The following CTTN variants were observed in gnomAD, a reference collection of about 807,000 sequenced individuals.
CTTN encodes the protein cortactin.
In CTTN, 28 loss-of-function variants were observed where a neutral mutation model predicts 84.0. The ratio of observed to expected loss-of-function variants is 0.33; its 90% CI spans 0.25 to 0.46. The LOEUF is 0.46. Among genes scored for constraint, CTTN ranks in the 20% least tolerant of loss-of-function variants. CTTN has a pLI of 1.00. For synonymous variants in CTTN, 301 were observed against 288.8 expected, an observed-to-expected ratio of 1.04 and a Z score of -0.43; for missense variants, 641 against 723.8, an observed-to-expected ratio of 0.89 and a Z score of 1.31.
intron 5 of CTTN, among the ~76,000 whole-genome samples, chr11:70,412,487 T>C (rs1194973867): frequency 6.6e-6 from 1 of 152,106 alleles, no homozygotes; most frequent in East Asian, 1.9e-4. Flanking sequence ...TATTTGTAAC[T>C]TGCCCACTCC....
chr11:70,430,331 T>C (rs1329309960), intron 14 of CTTN, among the ~76,000 whole-genome samples: 3 of 152,244 alleles, frequency 2.0e-5, no homozygotes. Context: ...TTCCTGTTGC[T>C]GCCGTAGTCA....
intron 7 of CTTN, chr11:70,416,761 A>G (rs972259973): frequency 1.4e-5 from 6 of 426,744 alleles, no homozygotes; most frequent in Non-Finnish European, 2.5e-5. Flanking sequence ...GTGGGCATGC[A>G]GCGTCATTTC....
chr11:70,413,263 G>T (rs2058115840), intron 5 of CTTN, among the ~76,000 whole-genome samples: 1 of 152,220 alleles, frequency 6.6e-6, no homozygotes, highest in South Asian at 2.1e-4. Context: ...CATGCTAGAG[G>T]GAGTGAGAAG....
intron 4 of CTTN, chr11:70,407,858 TAG>T: frequency 2.2e-6 from 1 of 445,094 alleles, no homozygotes; most frequent in Non-Finnish European, 4.0e-6. Flanking sequence ...TTTATAATTT[TAG>T]AGTGTCCGCT....
intron 14 of CTTN, 31 bp downstream of exon 14, chr11:70,429,230 C>T: frequency 6.3e-7 from 1 of 1,595,386 alleles, no homozygotes; most frequent in Non-Finnish European, 8.5e-7. Context: ...CGCAGCGCAC[C>T]CTCCCTGGGA....
chr11:70,421,479 C>A lies in CTTN; in HGVS notation c.800C>A (p.Thr267Asn). Residue 267 changes from threonine (T) to asparagine (N), a missense_variant, in exon 11 of 18, where the codon ACT (threonine) becomes AAT (asparagine). By Grantham distance (65) the Thr-to-Asn change is moderately conservative. This residue lies in a region of CTTN where 284 missense variants were observed against 348.4 expected (regional missense o/e 0.82). Coordinates refer to ENST00000301843, the MANE Select transcript of CTTN (RefSeq NM_005231.4). ...QLHESQKDYK[T>N]GFGGKFGVQS... ...GCTTGTGGATTTTCAGATTATAAGA[C>A]TGGTTTTGGAGGCAAATTCGGTGTT... 1 of 1,611,986 alleles carries A rather than the reference C, an allele frequency of 6.2e-7. No homozygotes were observed. Among genetic ancestry groups the A allele is most frequent in the Non-Finnish European group, 8.5e-7 (1 of 1,178,018 alleles).
intron 1 of CTTN, among the ~76,000 whole-genome samples, chr11:70,400,671 C>A (rs1047614685): frequency 1.3e-5 from 2 of 152,262 alleles, no homozygotes; most frequent in African/African-American, 2.4e-5. Flanking sequence ...TTCAGATCTT[C>A]AGTCTGTGCC....
In CTTN at chr11:70,433,186, C is replaced by T. The variant is rs767643366; in HGVS notation, c.1352C>T (p.Ala451Val). The change falls in exon 16 of 18, where the codon GCT becomes GTT. Residue 451 changes from alanine (A) to valine (V), a missense_variant. Ala to Val is a moderately conservative substitution (Grantham distance 64). Coordinates refer to ENST00000301843, the MANE Select transcript of CTTN (RefSeq NM_005231.4). The part of the protein sequence containing the change: ...EPEPVYSMEA[A>V]DYREASSQQG... Reference sequence around the variant, plus strand: ...GAGCCCGTGTACAGCATGGAGGCCGCTGACTACCGAGAGGCCAGCAGCCAG... The same window carrying T: ...GAGCCCGTGTACAGCATGGAGGCCGTTGACTACCGAGAGGCCAGCAGCCAG... 3.7e-6 allele frequency: 6 copies of T among 1,613,654 alleles called. 1 individual carries two copies. In the South Asian group the frequency reaches 5.5e-5, roughly 15 times the overall value.
chr11:70,433,515 A>C, intron 16 of CTTN, 132 bp from the exon 17 acceptor site: 1 of 841,048 alleles, frequency 1.2e-6, no homozygotes, highest in Non-Finnish European at 2.0e-6. Context: ...GCAGGGGCAG[A>C]GGAAGGGAGG....
At chr11:70,410,953 C>T (rs989680223) in intron 5 of CTTN, among the ~76,000 whole-genome samples, 3 of 152,092 alleles carry the variant, frequency 2.0e-5, no homozygotes, top group Admixed American at 2.0e-4. Flanking sequence ...TGTGGTGGGC[C>T]GGCAGGGCAC....
chr11:70,430,950 A>C (rs1007129288), intron 14 of CTTN, among the ~76,000 whole-genome samples: 2 of 151,210 alleles, frequency 1.3e-5, no homozygotes, highest in African/African-American at 4.9e-5. Flanking sequence ...TGCCCCTCGG[A>C]TCCTGCCTGG....
At position 70,436,263 on chromosome 11, in the gene CTTN, G is replaced by T; in HGVS notation, c.*1101G>T. 6.3e-7 allele frequency: 1 copy of T among 1,597,234 alleles called. No individual in the cohort carries two copies. Among genetic ancestry groups the T allele is most frequent in the Non-Finnish European group, 8.5e-7 (1 of 1,179,350 alleles). On this transcript the variant is annotated 3_prime_UTR_variant, in exon 18 of 18. Transcript: ENST00000301843. ...CCAGGACACCGCTGTCCTGGCATTT[G>T]TGGCCACTCACTTTGTAGGAAACTC...
intron 1 of CTTN, among the ~76,000 whole-genome samples, chr11:70,399,503 T>C (rs1207879792): frequency 1.3e-5 from 2 of 151,972 alleles, no homozygotes; most frequent in African/African-American, 4.8e-5. Context: ...GGTTTTGCAA[T>C]CAGGTCAGTG....
intron 4 of CTTN, among the ~76,000 whole-genome samples, chr11:70,408,639 A>G (rs1312051973): frequency 6.6e-6 from 1 of 152,118 alleles, no homozygotes; most frequent in African/African-American, 2.4e-5. Context: ...GGCTCAGGTG[A>G]TTCTCCTGCC....
intron 13 of CTTN, among the ~76,000 whole-genome samples, chr11:70,426,104 A>G (rs1280224840): frequency 1.3e-5 from 2 of 152,164 alleles, no homozygotes; most frequent in African/African-American, 2.4e-5. Flanking sequence ...GACATTGACT[A>G]TATTAGAAAT....
At chr11:70,409,713 G>A in intron 4 of CTTN, 118 bp from the exon 5 acceptor site, 1 of 1,161,452 alleles carries the variant, frequency 8.6e-7, no homozygotes, top group Non-Finnish European at 1.2e-6. Flanking sequence ...GTGAACATCA[G>A]ATAAGCAGAT....
intron 13 of CTTN, among the ~76,000 whole-genome samples, chr11:70,428,076 C>G (rs938304574): frequency 3.4e-5 from 5 of 146,466 alleles, no homozygotes; most frequent in Non-Finnish European, 6.0e-5. Context: ...TCTCATGGTT[C>G]TATTCATGGT....
intron 14 of CTTN, among the ~76,000 whole-genome samples, chr11:70,429,748 G>A (rs1472661125): frequency 2.6e-5 from 4 of 152,202 alleles, no homozygotes; most frequent in African/African-American, 9.7e-5. Flanking sequence ...GGCGGAGCAC[G>A]AGCCTGTGTC....
chr11:70,429,142 AGCCCAGC>A lies in CTTN; in HGVS notation c.1121_1127del (p.Ala374GlyfsTer56). The A allele has an allele frequency of 6.2e-7, 1 of 1,614,028 alleles. No individual in the cohort carries two copies. The highest frequency in any genetic ancestry group is 8.5e-7 in the Non-Finnish European group (1 of 1,180,032). The stretch of plus-strand genomic sequence containing the variant: ...ACAGGCGGAAGGCGGAGGCGGAGAG[AGCCCAGC>A]GGATGGCCAAGGAGCGGCAGGAGCA... On this transcript the variant is annotated frameshift_variant, in exon 14 of 18. Coordinates refer to ENST00000301843, the MANE Select transcript of CTTN (RefSeq NM_005231.4). LOFTEE classifies it high-confidence loss of function.
Sources: allele counts gnomAD v4.1 joint callset (sites outside exome capture counted in the v4.1 genomes callset), GRCh38; gene constraint gnomAD v4.1.1; regional missense constraint gnomAD v4.1.1; transcripts MANE v1.5; gene names NCBI Gene and HGNC (gene_info 2026-07-23, HGNC 2026-07-21).